The following MAGI1 variants were observed in gnomAD, a reference collection of about 807,000 sequenced individuals.
MAGI1 encodes membrane associated guanylate kinase, WW and PDZ domain containing 1.
Under a neutral mutation model 139.9 loss-of-function variants are expected in MAGI1, and 58 were observed. That is an observed-to-expected ratio of 0.41 (90% CI 0.34 to 0.52). The LOEUF (loss-of-function observed/expected upper bound fraction) is 0.52, where lower values mean the gene tolerates loss of function less well. Among genes scored for constraint, MAGI1 ranks in the 20% least tolerant of loss-of-function variants. The pLI is 0.12. For missense variants in MAGI1, 1,874 were observed against 1,901.6 expected (o/e 0.99, Z 0.27); for synonymous variants, 812 against 737.9 (o/e 1.10, Z -1.63).
intron 14 of MAGI1, among the ~76,000 whole-genome samples, chr3:65,386,460 C>T (rs922161783): frequency 3.9e-5 from 6 of 152,182 alleles, no homozygotes; most frequent in Admixed American, 2.6e-4. Flanking sequence ...AAGAATTCTA[C>T]TCTTCTACCA....
At chr3:65,641,641 T>G (rs76393908) in intron 1 of MAGI1, among the ~76,000 whole-genome samples, 19,510 of 152,144 alleles carry the variant, frequency 0.13, 1,419 homozygotes, top group Middle Eastern at 0.18. Flanking sequence ...CAGAGAGTGG[T>G]ACGGGAGTGA....
At chr3:65,536,021 A>G (rs1355003594) in intron 2 of MAGI1, among the ~76,000 whole-genome samples, 1 of 152,204 alleles carries the variant, frequency 6.6e-6, no homozygotes, top group Non-Finnish European at 1.5e-5. Flanking sequence ...GAGAAATCCA[A>G]CTCATGACTA....
intron 1 of MAGI1, among the ~76,000 whole-genome samples, chr3:65,898,627 T>C (rs528301327): frequency 1.3e-5 from 2 of 152,278 alleles, no homozygotes; most frequent in South Asian, 4.1e-4. Flanking sequence ...AAACACTTAG[T>C]ATACAAAGTC....
intron 1 of MAGI1, among the ~76,000 whole-genome samples, chr3:65,840,805 A>G (rs1191192312): frequency 6.6e-6 from 1 of 152,194 alleles, no homozygotes; most frequent in East Asian, 1.9e-4. Context: ...TAGCTTCATA[A>G]AGTGAGTTAG....
At chr3:65,596,328 C>T (rs12638286) in intron 2 of MAGI1, among the ~76,000 whole-genome samples, 2 of 152,028 alleles carry the variant, frequency 1.3e-5, no homozygotes, top group African/African-American at 4.8e-5. Flanking sequence ...ACTGAAACCC[C>T]CAACAAATGT....
Position 66,038,065 on chromosome 3 carries a change from G to T in MAGI1, c.244C>A (p.Pro82Thr). 1.2e-6 allele frequency: 2 copies of T among 1,612,684 alleles called. No individual in the cohort carries two copies. Among genetic ancestry groups the T allele is most frequent in the African/African-American group, 1.3e-5 (1 of 75,032 alleles). ...ATGACCCCCAGCACGTCATAGCGGG[G>T]CAAGCCGGACACCCGGACCCCCTGC... ...EVQGVRVSGL[P>T]RYDVLGVIDS... The change falls in exon 1 of 23, where the codon CCC becomes ACC. Residue 82 changes from proline (P) to threonine (T), a missense_variant. Pro to Thr is a conservative substitution (Grantham distance 38, BLOSUM62 -1). Coordinates refer to ENST00000402939, the MANE Select transcript of MAGI1 (RefSeq NM_001033057.2).
At chr3:65,906,921 A>G (rs1388413817) in intron 1 of MAGI1, among the ~76,000 whole-genome samples, 1 of 151,642 alleles carries the variant, frequency 6.6e-6, no homozygotes, top group African/African-American at 2.4e-5. Flanking sequence ...ATCCTAGTAA[A>G]TTTTGGCAAA....
chr3:65,980,957 G>A (rs1039768664), intron 1 of MAGI1, among the ~76,000 whole-genome samples: 7 of 151,932 alleles, frequency 4.6e-5, no homozygotes, highest in East Asian at 1.9e-4. Flanking sequence ...TCAGGAGTTC[G>A]AGACCAGCCT....
chr3:65,835,224 T>C (rs2042742001), intron 1 of MAGI1, among the ~76,000 whole-genome samples: 1 of 152,242 alleles, frequency 6.6e-6, no homozygotes. Context: ...TTTTGGTTTT[T>C]CTACAATATT....
chr3:65,851,482 C>T (rs1559942574), intron 1 of MAGI1, among the ~76,000 whole-genome samples: 1 of 152,148 alleles, frequency 6.6e-6, no homozygotes, highest in Non-Finnish European at 1.5e-5. Flanking sequence ...GGCGCGGTGG[C>T]TCACGCCTCT....
intron 1 of MAGI1, among the ~76,000 whole-genome samples, chr3:65,737,272 T>C (rs1419546493): frequency 6.6e-6 from 1 of 152,240 alleles, no homozygotes; most frequent in Non-Finnish European, 1.5e-5. Context: ...CCCAAAGTGC[T>C]GGGATTACAG....
intron 1 of MAGI1, chr3:65,874,071 A>G (rs2060028717): frequency 2.0e-5 from 3 of 152,274 alleles, no homozygotes; most frequent in Admixed American, 1.3e-4. Flanking sequence ...AGATAGCTTG[A>G]GCCCAAGCAT....
At chr3:65,846,558 G>A (rs2059004065) in intron 1 of MAGI1, among the ~76,000 whole-genome samples, 1 of 152,216 alleles carries the variant, frequency 6.6e-6, no homozygotes, top group Non-Finnish European at 1.5e-5. Flanking sequence ...GGTCCTTATA[G>A]TAAGTCTGAG....
chr3:65,961,672 C>T (rs559420098), intron 1 of MAGI1, among the ~76,000 whole-genome samples: 25 of 152,296 alleles, frequency 1.6e-4, no homozygotes, highest in African/African-American at 5.8e-4. Flanking sequence ...CTTACTAAGG[C>T]ATTCCGCAGA....
chr3:65,844,106 G>T, intron 1 of MAGI1: 1 of 512,912 alleles, frequency 1.9e-6, no homozygotes, highest in South Asian at 1.4e-5. Flanking sequence ...GTGTGTCTGG[G>T]CCAAACAGTG....
chr3:65,892,101 G>C (rs1406518419), intron 1 of MAGI1, among the ~76,000 whole-genome samples: 4 of 151,422 alleles, frequency 2.6e-5, no homozygotes, highest in Admixed American at 2.6e-4. Context: ...TCTTTAATTA[G>C]AGTCTCTGAA....
At chr3:65,593,431 G>A (rs912442739) in intron 2 of MAGI1, among the ~76,000 whole-genome samples, 6 of 152,232 alleles carry the variant, frequency 3.9e-5, no homozygotes, top group East Asian at 1.9e-4. Context: ...TTAATCAGGC[G>A]AGCAGTATGA....
chr3:65,889,216 C>T (rs2060646147), intron 1 of MAGI1, among the ~76,000 whole-genome samples: 1 of 152,112 alleles, frequency 6.6e-6, no homozygotes, highest in African/African-American at 2.4e-5. Flanking sequence ...GTCCATGGGT[C>T]AGAGTGAGAT....
intron 1 of MAGI1, among the ~76,000 whole-genome samples, chr3:65,801,363 C>T (rs982814563): frequency 6.6e-6 from 1 of 152,166 alleles, no homozygotes; most frequent in Non-Finnish European, 1.5e-5. Flanking sequence ...TTGAAATGGT[C>T]AAAGTAGCTA....
Sources: allele counts gnomAD v4.1 joint callset (sites outside exome capture counted in the v4.1 genomes callset), GRCh38; gene constraint gnomAD v4.1.1; transcripts MANE v1.5; gene names NCBI Gene and HGNC (gene_info 2026-07-23, HGNC 2026-07-21).